CORIN: variants seen among roughly 807,000 people sequenced by gnomAD.
The protein encoded by CORIN is atrial natriuretic peptide-converting enzyme.
A neutral mutation model predicts 125.3 loss-of-function variants in CORIN; 117 were observed. The observed-to-expected ratio is 0.93, with a 90% CI of 0.80 to 1.09. The LOEUF is 1.09. Ranked by LOEUF, CORIN falls within the 50% of genes least tolerant of loss-of-function variation. CORIN has a pLI of 0.00. For missense variants in CORIN, 1,253 were observed against 1,306.7 expected, an observed-to-expected ratio of 0.96 and a Z score of 0.63; for synonymous variants, 450 against 466.4, an observed-to-expected ratio of 0.96 and a Z score of 0.45.
intron 10 of CORIN, among the ~76,000 whole-genome samples, chr4:47,667,487 T>G (rs1323236232): frequency 1.3e-5 from 2 of 152,158 alleles, no homozygotes; most frequent in Admixed American, 6.6e-5. Flanking sequence ...CATGCCTTAT[T>G]GAGAGTGATT....
At chr4:47,678,167 C>T (rs778522499) in intron 8 of CORIN, 113 bp from the exon 9 acceptor site, 19 of 768,536 alleles carry the variant, frequency 2.5e-5, no homozygotes, top group Non-Finnish European at 4.4e-5. Context: ...AGGTGTTCTG[C>T]ACACACAAAT....
At chr4:47,667,537 C>T (rs1295566499) in intron 10 of CORIN, among the ~76,000 whole-genome samples, 2 of 152,088 alleles carry the variant, frequency 1.3e-5, no homozygotes, top group Non-Finnish European at 2.9e-5. Context: ...GAAGTGGTAT[C>T]CATGCAAATA....
At chr4:47,764,778 A>G (rs1267918083) in intron 3 of CORIN, among the ~76,000 whole-genome samples, 2 of 152,232 alleles carry the variant, frequency 1.3e-5, no homozygotes, top group Non-Finnish European at 2.9e-5. Context: ...GCTAAAAAGC[A>G]TATAATGACA....
At chr4:47,661,432 T>C in intron 12 of CORIN, 1 of 284,198 alleles carries the variant, frequency 3.5e-6, no homozygotes, top group Non-Finnish European at 6.6e-6. Flanking sequence ...TATCAAAATA[T>C]TTTAGGTACC....
intron 5 of CORIN, among the ~76,000 whole-genome samples, chr4:47,724,035 A>C (rs1727476152): frequency 6.6e-6 from 1 of 151,530 alleles, no homozygotes; most frequent in Admixed American, 6.6e-5. Flanking sequence ...CATTCTCAGC[A>C]ACCCCTAAGT....
rs190942736 is a variant in CORIN at position 47,778,889 on chromosome 4, C to T, written c.409+7836G>A. Reference sequence around the variant, plus strand: ...CTTGAGAAGCAGCTTAGGCAGACTTCAGACCCTCCAAGGTACCAACAAAAT... The same window carrying T: ...CTTGAGAAGCAGCTTAGGCAGACTTTAGACCCTCCAAGGTACCAACAAAAT... On this transcript the variant is annotated intron_variant, in intron 3 of 21. Coordinates refer to ENST00000273857, the MANE Select transcript of CORIN (RefSeq NM_006587.4). 6.3e-3 allele frequency among the ~76,000 whole-genome samples: 964 copies of T among 152,272 alleles called. 7 individuals are homozygous for T. Among genetic ancestry groups the T allele is most frequent in the Non-Finnish European group, 8.8e-3 (599 of 68,030 alleles).
chr4:47,836,409 A>C (rs2110002426), intron 1 of CORIN, among the ~76,000 whole-genome samples: 1 of 152,364 alleles, frequency 6.6e-6, no homozygotes, highest in Middle Eastern at 3.4e-3. Context: ...ATCTGCTTAA[A>C]TGTGTCCTTG....
At chr4:47,748,532 T>A (rs575603865) in intron 4 of CORIN, among the ~76,000 whole-genome samples, 2 of 152,340 alleles carry the variant, frequency 1.3e-5, no homozygotes, top group Non-Finnish European at 2.9e-5. Flanking sequence ...TAAATAATAC[T>A]ACAATATAGT....
intron 19 of CORIN, among the ~76,000 whole-genome samples, chr4:47,615,335 A>G (rs1167173284): frequency 1.3e-5 from 2 of 152,232 alleles, no homozygotes; most frequent in African/African-American, 2.4e-5. Flanking sequence ...AAAGTTCACT[A>G]TCTTACTGTG....
intron 20 of CORIN, among the ~76,000 whole-genome samples, chr4:47,601,084 T>C (rs1721431284): frequency 6.6e-6 from 1 of 152,194 alleles, no homozygotes; most frequent in Middle Eastern, 3.2e-3. Flanking sequence ...GGGTACCTTA[T>C]TGGAAGAAAG....
chr4:47,789,008 G>T (rs560298049), intron 2 of CORIN, among the ~76,000 whole-genome samples: 2 of 152,156 alleles, frequency 1.3e-5, no homozygotes, highest in African/African-American at 4.8e-5. Flanking sequence ...TGTTTAAAGT[G>T]TTCATAACAT....
intron 19 of CORIN, among the ~76,000 whole-genome samples, chr4:47,619,303 A>T (rs1722207513): frequency 6.6e-6 from 1 of 152,216 alleles, no homozygotes; most frequent in South Asian, 2.1e-4. Context: ...AATATAATTA[A>T]AAAAGAGACA....
intron 16 of CORIN, 68 bp downstream of exon 16, chr4:47,641,852 A>G (rs1239527515): frequency 3.2e-6 from 5 of 1,562,724 alleles, no homozygotes; most frequent in East Asian, 2.3e-5. Context: ...ATCCTAAGGA[A>G]GATATTACTG....
intron 1 of CORIN, among the ~76,000 whole-genome samples, chr4:47,808,366 G>A (rs1731891619): frequency 6.6e-6 from 1 of 152,192 alleles, no homozygotes; most frequent in Non-Finnish European, 1.5e-5. Context: ...AGGACTTCCT[G>A]ACGAGTATTT....
intron 4 of CORIN, among the ~76,000 whole-genome samples, chr4:47,753,838 C>G (rs373425549): frequency 9.2e-5 from 14 of 152,144 alleles, no homozygotes; most frequent in African/African-American, 3.4e-4. Flanking sequence ...GATGTACATT[C>G]TCAGTTTAAG....
At chr4:47,773,360 T>C (rs1049650406) in intron 3 of CORIN, among the ~76,000 whole-genome samples, 1 of 152,214 alleles carries the variant, frequency 6.6e-6, no homozygotes, top group Non-Finnish European at 1.5e-5. Flanking sequence ...CTCAGTAGAC[T>C]TTCAGCCCTA....
chr4:47,811,423 C>T (rs796280660), intron 1 of CORIN, among the ~76,000 whole-genome samples: 17 of 152,164 alleles, frequency 1.1e-4, no homozygotes, highest in African/African-American at 3.9e-4. Flanking sequence ...AAGTCTTTAC[C>T]CTCTTTTACC....
At chr4:47,680,083 C>G (rs1725198878) in intron 8 of CORIN, 58 bp downstream of exon 8, 6 of 1,091,438 alleles carry the variant, frequency 5.5e-6, no homozygotes, top group East Asian at 2.4e-5. Context: ...ACCTTGAGTA[C>G]AGCCTAAAGA....
chr4:47,774,664 C>A (rs1486152571), intron 3 of CORIN, among the ~76,000 whole-genome samples: 2 of 152,150 alleles, frequency 1.3e-5, no homozygotes, highest in African/African-American at 4.8e-5. Flanking sequence ...GTAGACTCTT[C>A]CTGACCTTTC....
Sources: gnomAD v4.1 joint callset for allele counts (sites outside exome capture counted in the v4.1 genomes callset) on GRCh38, gnomAD v4.1.1 for gene constraint, MANE v1.5 for transcripts, NCBI Gene and HGNC (gene_info 2026-07-23, HGNC 2026-07-21) for gene names.